The following MRPL13 variants were observed in gnomAD, a reference collection of about 807,000 sequenced individuals.
MRPL13 encodes mitochondrial ribosomal protein L13, also known as large ribosomal subunit protein uL13m.
Under a neutral mutation model 29.0 loss-of-function variants are expected in MRPL13, and 33 were observed. That is an observed-to-expected ratio of 1.14 (90% CI 0.86 to 1.52). MRPL13 has a LOEUF of 1.52. Ranked by LOEUF, MRPL13 falls within the 40% of genes most tolerant of loss-of-function variation. The probability of loss-of-function intolerance (pLI) is 0.00; values close to 1 mark genes in which losing one functional copy is unlikely to be tolerated. For synonymous variants in MRPL13, 77 were observed against 68.4 expected, an observed-to-expected ratio of 1.13 and a Z score of -0.62; for missense variants, 227 against 216.7, an observed-to-expected ratio of 1.05 and a Z score of -0.30.
At chr8:120,400,166 A>G (rs1401211318) in intron 6 of MRPL13, among the ~76,000 whole-genome samples, 6 of 152,196 alleles carry the variant, frequency 3.9e-5, no homozygotes, top group African/African-American at 7.2e-5. Context: ...CTGCACCCCA[A>G]AACAACAGAA....
At chr8:120,422,423 A>G (rs1485402095) in intron 4 of MRPL13, among the ~76,000 whole-genome samples, 1 of 151,438 alleles carries the variant, frequency 6.6e-6, no homozygotes, top group African/African-American at 2.4e-5. Context: ...CTTTAGCAAT[A>G]TTGGTGACTA....
chr8:120,403,576 CAT>C (rs1452554832), intron 6 of MRPL13, among the ~76,000 whole-genome samples: 1 of 152,136 alleles, frequency 6.6e-6, no homozygotes, highest in Non-Finnish European at 1.5e-5. Flanking sequence ...TACCATGGCA[CAT>C]GTTTACCTGT....
intron 2 of MRPL13, among the ~76,000 whole-genome samples, chr8:120,435,316 A>G (rs971411212): frequency 6.6e-6 from 1 of 152,124 alleles, no homozygotes; most frequent in African/African-American, 2.4e-5. Flanking sequence ...TTTGTCACCT[A>G]GGCAATAAGC....
At chr8:120,400,667 A>T (rs1421334838) in intron 6 of MRPL13, among the ~76,000 whole-genome samples, 8 of 151,642 alleles carry the variant, frequency 5.3e-5, no homozygotes, top group African/African-American at 1.7e-4. Context: ...TTCAAAAAAA[A>T]ATCAATGAAT....
chr8:120,443,758 A>G (rs1223458856), intron 1 of MRPL13, among the ~76,000 whole-genome samples: 1 of 152,170 alleles, frequency 6.6e-6, no homozygotes, highest in Non-Finnish European at 1.5e-5. Flanking sequence ...TGAGTGGCCA[A>G]CTGGAAACTG....
intron 3 of MRPL13, among the ~76,000 whole-genome samples, chr8:120,430,968 T>A (rs940027115): frequency 7.2e-5 from 11 of 152,184 alleles, no homozygotes; most frequent in Admixed American, 5.2e-4. Context: ...CCCAATTACC[T>A]CTCAATTTTG....
chr8:120,414,191 T>TAA, intron 5 of MRPL13, 79 bp from the exon 6 acceptor site: 3 of 800,880 alleles, frequency 3.7e-6, no homozygotes. Context: ...TCATAAGTGT[T>TAA]AAAAAAATAA....
intron 1 of MRPL13, 52 bp from the exon 2 acceptor site, chr8:120,443,360 A>G: frequency 7.2e-7 from 1 of 1,390,642 alleles, no homozygotes; most frequent in Non-Finnish European, 9.5e-7. Context: ...GATAATTATC[A>G]TTAAAATGGA....
chr8:120,432,058 C>A lies in MRPL13; in HGVS notation c.217G>T (p.Glu73Ter). The A allele has an allele frequency of 6.2e-7, 1 of 1,608,212 alleles. No homozygotes were observed. The highest frequency in any genetic ancestry group is 8.5e-7 in the Non-Finnish European group (1 of 1,177,066). ...GTATGCGAAGAGTATACTTTTTGTT[C>A]CCATTTGTTTCCAGAAAATGCAATG... is the stretch of plus-strand genomic sequence containing the variant. ...RHIAFSGNKW[E>*]QKVYSSHTGY... The change falls in exon 3 of 7, where the codon GAA becomes TAA. Residue 73 changes from glutamate (E) to a stop codon, truncating the protein, a stop_gained. Coordinates refer to ENST00000306185, the MANE Select transcript of MRPL13 (RefSeq NM_014078.6). LOFTEE classifies it high-confidence loss of function.
intron 6 of MRPL13, among the ~76,000 whole-genome samples, chr8:120,411,549 T>C (rs899531312): frequency 6.6e-6 from 1 of 152,176 alleles, no homozygotes; most frequent in Non-Finnish European, 1.5e-5. Flanking sequence ...GAGAAAGAAA[T>C]ACAGAATGAT....
chr8:120,422,890 GA>G (rs1284031919), intron 4 of MRPL13, among the ~76,000 whole-genome samples: 1 of 151,636 alleles, frequency 6.6e-6, no homozygotes, highest in East Asian at 1.9e-4. Context: ...AGGTCTTAAA[GA>G]ATTCCTGGAG....
chr8:120,422,400 C>G (rs772924783), intron 4 of MRPL13, among the ~76,000 whole-genome samples: 3 of 151,302 alleles, frequency 2.0e-5, no homozygotes, highest in Non-Finnish European at 4.4e-5. Context: ...GAAAAAACAA[C>G]AGGAGACTTT....
chr8:120,434,854 A>G (rs934191576), intron 2 of MRPL13, among the ~76,000 whole-genome samples: 2 of 152,136 alleles, frequency 1.3e-5, no homozygotes, highest in South Asian at 2.1e-4. Context: ...AGTTTTTGCC[A>G]CTGAAATGGC....
intron 6 of MRPL13, among the ~76,000 whole-genome samples, chr8:120,411,687 A>G (rs1190691073): frequency 3.3e-5 from 5 of 152,196 alleles, no homozygotes; most frequent in Non-Finnish European, 7.4e-5. Context: ...CACAACCTTA[A>G]TAAAGCATAA....
chr8:120,419,727 C>A, intron 5 of MRPL13, 125 bp downstream of exon 5: 1 of 593,504 alleles, frequency 1.7e-6, no homozygotes. Context: ...TTTAAAAATA[C>A]AAAAATATTT....
In MRPL13 at chr8:120,422,633, GTTAAAA is replaced by G. The variant is rs1244672669; in HGVS notation, c.306+2667_306+2672del. Among the ~76,000 whole-genome samples, 11 of 148,766 alleles carry G rather than the reference GTTAAAA, an allele frequency of 7.4e-5. 1 individual carries two copies. In the East Asian group the frequency reaches 1.8e-3, roughly 24 times the overall value. On this transcript the variant is annotated intron_variant, in intron 4 of 6. Transcript: ENST00000306185. ...ATATATAAACTTATATATTTATGTA[GTTAAAA>G]TTAAAAGTAATTAAAAATTTAGTTA...
At chr8:120,405,417 T>C (rs1812655138) in intron 6 of MRPL13, among the ~76,000 whole-genome samples, 1 of 152,238 alleles carries the variant, frequency 6.6e-6, no homozygotes, top group Non-Finnish European at 1.5e-5. Flanking sequence ...CTTATGAGAA[T>C]GCAGGTCCTG....
chr8:120,443,103 C>T (rs912628272), intron 2 of MRPL13, 82 bp downstream of exon 2: 8 of 1,283,254 alleles, frequency 6.2e-6, no homozygotes, highest in Middle Eastern at 2.1e-4. Context: ...GGCCCTTAAA[C>T]TCAGCCCTGT....
intron 3 of MRPL13, among the ~76,000 whole-genome samples, chr8:120,425,634 C>T (rs926593524): frequency 2.0e-5 from 3 of 152,106 alleles, no homozygotes; most frequent in African/African-American, 7.2e-5. Flanking sequence ...TATTAATTCA[C>T]TCACTCATTA....
Sources: allele counts gnomAD v4.1 joint callset (sites outside exome capture counted in the v4.1 genomes callset), GRCh38; gene constraint gnomAD v4.1.1; transcripts MANE v1.5; gene names NCBI Gene and HGNC (gene_info 2026-07-23, HGNC 2026-07-21).